The following IQANK1 variants were observed in gnomAD, a reference collection of about 807,000 sequenced individuals.
The protein encoded by IQANK1 is IQ motif and ankyrin repeat containing 1, also known as IQ motif and ankyrin repeat domain-containing protein 1.
A neutral mutation model predicts 22.6 loss-of-function variants in IQANK1; 30 were observed. That is an observed-to-expected ratio of 1.33 (90% CI 0.99 to 1.80). IQANK1 has a LOEUF of 1.80. IQANK1 is among the 40% of genes most tolerant of loss of function. IQANK1 has a pLI of 0.00. For missense variants in IQANK1, 275 were observed against 235.2 expected (o/e 1.17, Z -1.11); for synonymous variants, 122 against 99.6 (o/e 1.23, Z -1.34).
At position 143,739,112 on chromosome 8, in the gene IQANK1, C is replaced by T. The variant is rs115750481; in HGVS notation, c.86-747C>T. 6.0e-3 allele frequency among the ~76,000 whole-genome samples: 915 copies of T among 152,296 alleles called. 12 individuals carry two copies. Among genetic ancestry groups the T allele is most frequent in the African/African-American group, 0.02 (844 of 41,558 alleles). ...CTCTTGGTGCCATCCTGGCTGGGGG[C>T]TGGCTGTCCTGCACTGCACTGCAAC... On this transcript the variant is annotated intron_variant, in intron 2 of 13. Coordinates refer to ENST00000527139, the MANE Select transcript of IQANK1 (RefSeq NM_001381874.1).
In IQANK1 at chr8:143,771,217, C is replaced by T. The variant is rs1191705738; in HGVS notation, c.176-271C>T. Among the ~76,000 whole-genome samples, 4 of 152,082 alleles carry T rather than the reference C, an allele frequency of 2.6e-5. No homozygotes were observed. The highest frequency in any genetic ancestry group is 9.7e-5 in the African/African-American group (4 of 41,436). On this transcript the variant is annotated intron_variant, in intron 3 of 13. Transcript: ENST00000527139. This position sits in a 1 kb window ranked among gnomAD's most constrained non-coding sequence, Gnocchi z 6.0. Reference sequence around the variant, plus strand: ...ACCGTTCCTCGGGGCTCCCGAGCTGCGGGCTCGGCGGGGCTCGCAGGATCC... The same window carrying T: ...ACCGTTCCTCGGGGCTCCCGAGCTGTGGGCTCGGCGGGGCTCGCAGGATCC...
chr8:143,742,969 C>T (rs1554626806), intron 3 of IQANK1: 2 of 456,070 alleles, frequency 4.4e-6, no homozygotes, highest in East Asian at 7.0e-5. Flanking sequence ...ATCTATGGAC[C>T]CCTTCACCGG....
intron 7 of IQANK1, among the ~76,000 whole-genome samples, chr8:143,780,447 A>G (rs782496106): frequency 6.6e-6 from 1 of 152,096 alleles, no homozygotes; most frequent in Non-Finnish European, 1.5e-5. Flanking sequence ...CCCAGTACCC[A>G]ATAGTTTTCT....
chr8:143,772,315 AG>A (rs1819594681), intron 6 of IQANK1, 41 bp from the exon 7 acceptor site: 1 of 398,428 alleles, frequency 2.5e-6, no homozygotes, highest in East Asian at 3.6e-5. Context: ...TCCTTCCCCC[AG>A]GGGCAAGGCC....
rs555231956 is a variant in IQANK1 at position 143,774,270 on chromosome 8, C to T, written c.789+1788C>T. Among the ~76,000 whole-genome samples, 1 of 152,050 alleles carries T rather than the reference C, an allele frequency of 6.6e-6. No homozygotes were observed. Among genetic ancestry groups the T allele is most frequent in the South Asian group, 2.1e-4 (1 of 4,812 alleles). Reference sequence around the variant, plus strand: ...GACCTGTCAAGAAGAAAAGAAGCCACAGGCAGGAGCAAACGTTTGTGAACC... The same window carrying T: ...GACCTGTCAAGAAGAAAAGAAGCCATAGGCAGGAGCAAACGTTTGTGAACC... On this transcript the variant is annotated intron_variant, in intron 7 of 13. Coordinates refer to ENST00000527139, the MANE Select transcript of IQANK1 (RefSeq NM_001381874.1). The surrounding 1 kb of genome is among the most constrained non-coding windows in gnomAD (Gnocchi z 4.2).
intron 11 of IQANK1, 51 bp downstream of exon 11, chr8:143,789,920 C>CG (rs1819990196): frequency 8.1e-7 from 1 of 1,231,610 alleles, no homozygotes; most frequent in Non-Finnish European, 1.0e-6. Flanking sequence ...CAGCCCAGGG[C>CG]GGGGTCCGGC....
At chr8:143,748,718 C>T (rs1427289877) in intron 3 of IQANK1, among the ~76,000 whole-genome samples, 1 of 97,592 alleles carries the variant, frequency 1.0e-5, no homozygotes, top group Non-Finnish European at 1.8e-5. Flanking sequence ...AAATATATAT[C>T]ATATATATCA....
At chr8:143,780,860 T>G (rs1276488216) in intron 7 of IQANK1, among the ~76,000 whole-genome samples, 1 of 152,198 alleles carries the variant, frequency 6.6e-6, no homozygotes, top group Non-Finnish European at 1.5e-5. Context: ...GATTGCTGGG[T>G]CCAATGGTAG....
rs376605882 is a variant in IQANK1, at chr8:143,774,301, T to G, written c.789+1819T>G. 3.2e-4 allele frequency among the ~76,000 whole-genome samples: 49 copies of G among 152,072 alleles called. No homozygotes were observed. Among genetic ancestry groups the G allele is most frequent in the African/African-American group, 1.2e-3 (48 of 41,372 alleles). ...GGAGCAAACGTTTGTGAACCACGCA[T>G]CTGGCAAGGCACGTGTACCTAGAAC... is the stretch of plus-strand genomic sequence containing the variant. On this transcript the variant is annotated intron_variant, in intron 7 of 13. Transcript: ENST00000527139. The surrounding 1 kb of genome is among the most constrained non-coding windows in gnomAD (Gnocchi z 4.2).
intron 3 of IQANK1, among the ~76,000 whole-genome samples, chr8:143,749,201 A>T (rs1366064084): frequency 8.1e-6 from 1 of 123,090 alleles, no homozygotes; most frequent in Non-Finnish European, 1.5e-5. Context: ...ATCATATATA[A>T]ATATATCATA....
chr8:143,749,115 CGT>C lies in IQANK1; in HGVS notation c.175+9168_175+9169del, dbSNP rs1438699550. ...AAATATATAGCATATATGATATAAA[CGT>C]ATATATAGCATATATGATATATATC... On this transcript the variant is annotated intron_variant, in intron 3 of 13. Coordinates refer to ENST00000527139, the MANE Select transcript of IQANK1 (RefSeq NM_001381874.1). Among the ~76,000 whole-genome samples the C allele has an allele frequency of 8.4e-5, 10 of 118,876 alleles. No individual in the cohort carries two copies. The East Asian group carries it at 2.5e-3, about 29-fold the overall frequency. The allele number at this position is 118,876 out of a possible 152,430, so 78.0% of individuals were successfully genotyped here.
At chr8:143,768,627 C>A (rs1372324358) in intron 3 of IQANK1, among the ~76,000 whole-genome samples, 1 of 152,144 alleles carries the variant, frequency 6.6e-6, no homozygotes, top group African/African-American at 2.4e-5. Context: ...TCCCTCCACT[C>A]CCTCTAGTGT....
intron 3 of IQANK1, among the ~76,000 whole-genome samples, chr8:143,751,658 G>GTATATATATATATATA (rs1325258601): frequency 4.2e-3 from 162 of 38,762 alleles, no homozygotes; most frequent in Non-Finnish European, 0.012. Flanking sequence ...GTGTGTGTGT[G>GTATATATATATATATA]TGTGTGTATA....
intron 7 of IQANK1, among the ~76,000 whole-genome samples, chr8:143,783,410 G>T (rs568290484): frequency 6.6e-6 from 1 of 152,162 alleles, no homozygotes; most frequent in African/African-American, 2.4e-5. Context: ...GTTAGCATTA[G>T]TGACCACTTT....
intron 7 of IQANK1, among the ~76,000 whole-genome samples, chr8:143,775,169 A>ATT (rs1819658965): frequency 6.6e-6 from 1 of 151,966 alleles, no homozygotes; most frequent in African/African-American, 2.4e-5. Flanking sequence ...AGCCCTGTAG[A>ATT]TTGTACTATG....
chr8:143,735,041 C>A lies in IQANK1; in HGVS notation c.-4-809C>A, dbSNP rs1818693112. On this transcript the variant is annotated intron_variant, in intron 1 of 13. Coordinates refer to ENST00000527139, the MANE Select transcript of IQANK1 (RefSeq NM_001381874.1). The surrounding 1 kb of genome is among the most constrained non-coding windows in gnomAD (Gnocchi z 5.2). Reference sequence around the variant, plus strand: ...AACCCTTTCTGATGGTCATCAGTCGCCTTTCTCTTTGTTCCTCTTGCCATG... The same window carrying A: ...AACCCTTTCTGATGGTCATCAGTCGACTTTCTCTTTGTTCCTCTTGCCATG... Among the ~76,000 whole-genome samples the A allele has an allele frequency of 6.6e-6, 1 of 152,214 alleles. No homozygotes were observed. The highest frequency in any genetic ancestry group is 1.9e-4 in the East Asian group (1 of 5,194).
At chr8:143,778,084 A>C (rs1819725545) in intron 7 of IQANK1, among the ~76,000 whole-genome samples, 1 of 152,022 alleles carries the variant, frequency 6.6e-6, no homozygotes. Flanking sequence ...AGTCCCAGCT[A>C]CTTGGGAGGC....
In IQANK1 at chr8:143,735,807, C is replaced by T; in HGVS notation, c.-4-43C>T. On this transcript the variant is annotated intron_variant, in intron 1 of 13. Coordinates refer to ENST00000527139, the MANE Select transcript of IQANK1 (RefSeq NM_001381874.1). The surrounding 1 kb of genome is among the most constrained non-coding windows in gnomAD (Gnocchi z 5.2). The stretch of plus-strand genomic sequence containing the variant: ...CTGCCACTGCCCCTGCCCTCTGCCA[C>T]TCTGAGCACCCTCTCCCTGGTCCTT... 1.4e-6 allele frequency: 1 copy of T among 701,758 alleles called. No homozygotes were observed. Among genetic ancestry groups the T allele is most frequent in the Non-Finnish European group, 2.6e-6 (1 of 384,342 alleles). The allele number at this position is 701,758 out of a possible 1,614,324, so 43.5% of individuals were successfully genotyped here. A position where few individuals can be genotyped will look rare whatever the true frequency, so the allele number is the denominator to read the frequency against.
Position 143,735,597 on chromosome 8 carries a change from G to A in IQANK1, c.-4-253G>A, listed in dbSNP as rs1218736851. Among the ~76,000 whole-genome samples, 1 of 152,144 alleles carries A rather than the reference G, an allele frequency of 6.6e-6. No individual in the cohort carries two copies. The highest frequency in any genetic ancestry group is 1.5e-5 in the Non-Finnish European group (1 of 68,010). On this transcript the variant is annotated intron_variant, in intron 1 of 13. Coordinates refer to ENST00000527139, the MANE Select transcript of IQANK1 (RefSeq NM_001381874.1). The surrounding 1 kb of genome is among the most constrained non-coding windows in gnomAD (Gnocchi z 5.2). ...CAGGATGGGCTGAGCCTGGGGCGGA[G>A]GGGCAGGCAAGCCACGGCCAGGGGG...
Sources: allele counts gnomAD v4.1 joint callset (sites outside exome capture counted in the v4.1 genomes callset), GRCh38; gene constraint gnomAD v4.1.1; non-coding constraint Gnocchi (gnomAD v3.1); transcripts MANE v1.5; gene names NCBI Gene and HGNC (gene_info 2026-07-23, HGNC 2026-07-21).